The following ADGRL2 variants were observed in gnomAD, a reference collection of about 807,000 sequenced individuals.
The protein encoded by ADGRL2 is adhesion G protein-coupled receptor L2.
A neutral mutation model predicts 157.4 loss-of-function variants in ADGRL2; 44 were observed. That is an observed-to-expected ratio of 0.28 (90% confidence interval 0.22 to 0.36). The LOEUF is 0.36. Ranked by LOEUF, ADGRL2 falls within the 10% of genes least tolerant of loss-of-function variation. The probability of loss-of-function intolerance (pLI) is 1.00; values close to 1 mark genes in which losing one functional copy is unlikely to be tolerated. For synonymous variants in ADGRL2, 585 were observed against 624.7 expected (o/e 0.94, Z 0.95); for missense variants, 1,510 against 1,768.9 (o/e 0.85, Z 2.63).
intron 1 of ADGRL2, among the ~76,000 whole-genome samples, chr1:81,737,625 C>T (rs188196575): frequency 4.3e-4 from 65 of 152,242 alleles, no homozygotes; most frequent in Non-Finnish European, 7.5e-4. Context: ...AGGGAATATT[C>T]TTATGGCTTA....
intron 1 of ADGRL2, among the ~76,000 whole-genome samples, chr1:81,442,660 G>A (rs1215370503): frequency 1.3e-5 from 2 of 152,152 alleles, no homozygotes; most frequent in Non-Finnish European, 2.9e-5. Flanking sequence ...GTACTCGGGA[G>A]CAAAATTCAG....
At chr1:81,612,033 A>G (rs2081552261) in intron 3 of ADGRL2, among the ~76,000 whole-genome samples, 1 of 152,150 alleles carries the variant, frequency 6.6e-6, no homozygotes, top group Admixed American at 6.5e-5. Context: ...CTCCCCAGCC[A>G]TACCAAATTA....
At chr1:81,662,964 A>C (rs1570768256) in intron 3 of ADGRL2, among the ~76,000 whole-genome samples, 1 of 152,074 alleles carries the variant, frequency 6.6e-6, no homozygotes. Context: ...AAAGCCACGC[A>C]CCAGAGACTG....
intron 1 of ADGRL2, among the ~76,000 whole-genome samples, chr1:81,822,707 C>T (rs966617301): frequency 2.6e-5 from 4 of 152,032 alleles, no homozygotes; most frequent in African/African-American, 9.6e-5. Context: ...GCAAAATTAG[C>T]AAGTATATTT....
rs1175795229 is a variant in ADGRL2 at position 81,993,838 on chromosome 1, TTA to T, written c.*2696_*2697del. Among the ~76,000 whole-genome samples, 9 of 152,132 alleles carry T rather than the reference TTA, an allele frequency of 5.9e-5. No individual in the cohort carries two copies. The highest frequency in any genetic ancestry group is 8.8e-5 in the Non-Finnish European group (6 of 68,032). On this transcript the variant is annotated 3_prime_UTR_variant, in exon 24 of 24. Transcript: ENST00000686636. ...CTTTGTGATAGTCACAACTGTGAAC[TTA>T]TAAAGTCACATTTTTAAAGTTCTTC...
At chr1:81,695,060 T>A (rs148882568), upstream of ADGRL2, among the ~76,000 whole-genome samples, 106 of 152,238 alleles carry the variant, frequency 7.0e-4, no homozygotes, top group African/African-American at 2.4e-3. Flanking sequence ...AAATCTTTTA[T>A]TTCCTATTAA....
chr1:81,509,527 G>A (rs899694987), intron 2 of ADGRL2, among the ~76,000 whole-genome samples: 25 of 152,120 alleles, frequency 1.6e-4, no homozygotes, highest in African/African-American at 5.6e-4. Flanking sequence ...CCGTTCGTAC[G>A]AATTTACTGT....
chr1:81,674,018 A>G (rs912040320), intron 3 of ADGRL2, among the ~76,000 whole-genome samples: 2 of 152,228 alleles, frequency 1.3e-5, no homozygotes, highest in African/African-American at 2.4e-5. Flanking sequence ...TTTATAAATT[A>G]TCTGAGTCCT....
At chr1:81,525,285 C>A (rs61773207) in intron 2 of ADGRL2, among the ~76,000 whole-genome samples, 1 of 151,492 alleles carries the variant, frequency 6.6e-6, no homozygotes, top group Non-Finnish European at 1.5e-5. Flanking sequence ...ACATTCCACA[C>A]GTGTAGTAAA....
At chr1:81,618,419 A>G (rs940559360) in intron 3 of ADGRL2, among the ~76,000 whole-genome samples, 3 of 152,194 alleles carry the variant, frequency 2.0e-5, no homozygotes, top group African/African-American at 7.2e-5. Context: ...TTCCCATGTA[A>G]TGTCACCAAA....
rs550955180 is a variant in ADGRL2, at chr1:81,662,419, C to A, written c.-143+81439C>A. ...TACAGGTGCATGCCACCATGTCCAG[C>A]TAATTTTTGTATTTTTAGTGGAGAC... On this transcript the variant is annotated intron_variant, in intron 3 of 24. Transcript: ENST00000370721. 4.6e-5 allele frequency among the ~76,000 whole-genome samples: 7 copies of A among 152,072 alleles called. No homozygotes were observed. In the South Asian group the frequency reaches 1.5e-3, roughly 32 times the overall value.
intron 3 of ADGRL2, among the ~76,000 whole-genome samples, chr1:81,618,244 A>G (rs556509735): frequency 6.6e-6 from 1 of 152,270 alleles, no homozygotes; most frequent in African/African-American, 2.4e-5. Context: ...AACAAAGCTA[A>G]ATAGTAAAGT....
intron 1 of ADGRL2, among the ~76,000 whole-genome samples, chr1:81,443,819 G>T (rs1007155614): frequency 6.6e-6 from 1 of 152,120 alleles, no homozygotes; most frequent in African/African-American, 2.4e-5. Context: ...CAGATAGAAA[G>T]ATACTCCTTG....
chr1:81,572,411 T>C (rs1557472819), intron 2 of ADGRL2, among the ~76,000 whole-genome samples: 2 of 152,132 alleles, frequency 1.3e-5, no homozygotes, highest in Non-Finnish European at 2.9e-5. Flanking sequence ...AAACAAAACA[T>C]GGATCCTGCC....
Position 81,942,987 on chromosome 1 carries a change from C to T in ADGRL2, c.428C>T (p.Thr143Ile), listed in dbSNP as rs144007597. 5.6e-6 allele frequency: 9 copies of T among 1,611,422 alleles called. No homozygotes were observed. The highest frequency in any genetic ancestry group is 7.6e-6 in the Non-Finnish European group (9 of 1,178,442). ...MEQKVFVCPG[T>I]LKAIVDSPCI... ...CTGTTAGTTTTTGTGTGTCCTGGGACCTTGAAAGCAATTGTGGACTCACCA... is the reference window on the plus strand; with the variant it reads ...CTGTTAGTTTTTGTGTGTCCTGGGATCTTGAAAGCAATTGTGGACTCACCA... The change falls in exon 6 of 24, where the codon ACC becomes ATC. Residue 143 changes from threonine (T) to isoleucine (I), a missense_variant. This residue lies in a region of ADGRL2 where 361 missense variants were observed against 498.4 expected (regional missense o/e 0.72). Transcript: ENST00000686636.
chr1:81,561,711 C>T (rs1012574321), intron 2 of ADGRL2, among the ~76,000 whole-genome samples: 11 of 151,998 alleles, frequency 7.2e-5, no homozygotes, highest in Non-Finnish European at 1.5e-4. Context: ...CCACCCGCCT[C>T]GGCCTCCCAA....
At chr1:81,396,180 C>A (rs1441524356) in intron 1 of ADGRL2, among the ~76,000 whole-genome samples, 2 of 152,126 alleles carry the variant, frequency 1.3e-5, no homozygotes, top group Non-Finnish European at 1.5e-5. Flanking sequence ...CAATTTCTTT[C>A]ATCAATGTTT....
chr1:81,827,578 T>C (rs1433377272), intron 1 of ADGRL2, among the ~76,000 whole-genome samples: 1 of 152,208 alleles, frequency 6.6e-6, no homozygotes, highest in Non-Finnish European at 1.5e-5. Context: ...ACGAATTGTT[T>C]TTTTTGAGAT....
chr1:81,598,813 T>A (rs2081285285), intron 3 of ADGRL2, among the ~76,000 whole-genome samples: 1 of 152,250 alleles, frequency 6.6e-6, no homozygotes, highest in South Asian at 2.1e-4. Flanking sequence ...GGTATTCTTG[T>A]GGCTTCCTCA....
Sources: allele counts gnomAD v4.1 joint callset (sites outside exome capture counted in the v4.1 genomes callset), GRCh38; gene constraint gnomAD v4.1.1; regional missense constraint gnomAD v4.1.1; transcripts MANE v1.5; gene names NCBI Gene and HGNC (gene_info 2026-07-23, HGNC 2026-07-21).